Variants in TRIM69 observed in about 807,000 individuals in gnomAD.
TRIM69 encodes E3 ubiquitin-protein ligase TRIM69.
In TRIM69, 29 loss-of-function variants were observed where a neutral mutation model predicts 37.7. The ratio of observed to expected loss-of-function variants is 0.77; its 90% CI spans 0.57 to 1.05. The LOEUF (loss-of-function observed/expected upper bound fraction) is 1.05, where lower values mean the gene tolerates loss of function less well. Among genes scored for constraint, TRIM69 ranks in the 50% least tolerant of loss-of-function variants. The probability of loss-of-function intolerance (pLI) is 0.00; values close to 1 mark genes in which losing one functional copy is unlikely to be tolerated. For missense variants in TRIM69, 596 were observed against 579.9 expected, an observed-to-expected ratio of 1.03 and a Z score of -0.28; for synonymous variants, 209 against 212.4, an observed-to-expected ratio of 0.98 and a Z score of 0.14.
At chr15:44,762,014 G>C (rs1314924117) in intron 6 of TRIM69, among the ~76,000 whole-genome samples, 1 of 151,924 alleles carries the variant, frequency 6.6e-6, no homozygotes, top group Non-Finnish European at 1.5e-5. Context: ...TGTCACCCAG[G>C]CTGGAGTGTG....
chr15:44,765,856 T>C (rs1199261272), intron 6 of TRIM69, among the ~76,000 whole-genome samples: 2 of 152,048 alleles, frequency 1.3e-5, no homozygotes, highest in Non-Finnish European at 2.9e-5. Flanking sequence ...TAACAACAAA[T>C]GCATGCATAC....
intron 1 of TRIM69, among the ~76,000 whole-genome samples, chr15:44,751,930 T>G (rs753181597): frequency 2.0e-5 from 3 of 151,616 alleles, no homozygotes; most frequent in African/African-American, 7.3e-5. Flanking sequence ...TCTTTTTGTA[T>G]TTTTGGTAGA....
intron 6 of TRIM69, among the ~76,000 whole-genome samples, chr15:44,760,581 G>A (rs1265391003): frequency 6.6e-5 from 10 of 151,772 alleles, no homozygotes; most frequent in Admixed American, 1.3e-4. Context: ...ATGAAAAATC[G>A]CAAATTTTTC....
chr15:44,760,987 T>C (rs2087762659), intron 6 of TRIM69, among the ~76,000 whole-genome samples: 1 of 151,860 alleles, frequency 6.6e-6, no homozygotes, highest in Non-Finnish European at 1.5e-5. Context: ...GTGCCATCTC[T>C]GCTCACTGCA....
At chr15:44,751,797 G>A (rs1193642361) in intron 1 of TRIM69, among the ~76,000 whole-genome samples, 1 of 152,168 alleles carries the variant, frequency 6.6e-6, no homozygotes, top group Non-Finnish European at 1.5e-5. Flanking sequence ...CCATGCTGGA[G>A]TGTGTAGATG....
chr15:44,761,413 C>A (rs1218808348), intron 6 of TRIM69, among the ~76,000 whole-genome samples: 1 of 151,980 alleles, frequency 6.6e-6, no homozygotes, highest in Non-Finnish European at 1.5e-5. Context: ...TAATTTAAAC[C>A]ATTTTATTGA....
chr15:44,741,619 G>A (rs912777802), intron 1 of TRIM69, among the ~76,000 whole-genome samples: 2,349 of 152,020 alleles, frequency 0.015, 54 homozygotes, highest in African/African-American at 0.051. Context: ...AAGCAATAAA[G>A]AATGATAAAG....
intron 6 of TRIM69, among the ~76,000 whole-genome samples, chr15:44,766,592 C>G (rs1445514764): frequency 6.6e-6 from 1 of 152,156 alleles, no homozygotes; most frequent in Admixed American, 6.5e-5. Flanking sequence ...AACATCCTTA[C>G]CTAATTTTTA....
chr15:44,767,218 A>C lies in TRIM69; in HGVS notation c.962-13A>C, dbSNP rs1005661221. The C allele has an allele frequency of 3.8e-6, 6 of 1,599,268 alleles. No homozygotes were observed. The highest frequency in any genetic ancestry group is 5.1e-6 in the Non-Finnish European group (6 of 1,173,300). ...TTTCTCCCATGCTCTGCTTTCTTTT[A>C]TTTTCTTACTAGGCCTGTCTCCACT... On this transcript the variant is annotated splice_polypyrimidine_tract_variant and intron_variant, in intron 6 of 6. Coordinates refer to ENST00000329464, the MANE Select transcript of TRIM69 (RefSeq NM_182985.5).
At chr15:44,758,141 T>C (rs1478943180) in intron 3 of TRIM69, 1 of 159,020 alleles carries the variant, frequency 6.3e-6, no homozygotes, top group Non-Finnish European at 1.4e-5. Flanking sequence ...GGATGTCAAA[T>C]AGTTTAACTG....
intron 1 of TRIM69, among the ~76,000 whole-genome samples, chr15:44,741,885 G>C (rs966704555): frequency 2.0e-5 from 3 of 152,156 alleles, no homozygotes; most frequent in Non-Finnish European, 4.4e-5. Flanking sequence ...TTCTACCAGA[G>C]GTACAAGGAG....
intron 6 of TRIM69, 58 bp downstream of exon 6, chr15:44,759,930 G>T (rs2087740929): frequency 6.4e-7 from 1 of 1,564,036 alleles, no homozygotes; most frequent in East Asian, 2.3e-5. Context: ...TTAATCTGTG[G>T]GACTTCTTCT....
Position 44,750,786 on chromosome 15 carries a change from G to A in TRIM69, c.7-4114G>A, listed in dbSNP as rs554522055. ...GTTACCCAGGCTGGAGTGCAGTGGC[G>A]CGATCTTGGCTCACTGCAAGCTCTG... On this transcript the variant is annotated intron_variant, in intron 1 of 6. Coordinates refer to ENST00000329464, the MANE Select transcript of TRIM69 (RefSeq NM_182985.5). 1.8e-4 allele frequency among the ~76,000 whole-genome samples: 22 copies of A among 121,120 alleles called. No individual in the cohort carries two copies. In the East Asian group the frequency reaches 4.3e-3, roughly 24 times the overall value. The allele number at this position is 121,120 out of a possible 152,430, so 79.5% of individuals were successfully genotyped here.
chr15:44,737,860 G>A (rs2087193365), intron 1 of TRIM69, among the ~76,000 whole-genome samples: 1 of 152,004 alleles, frequency 6.6e-6, no homozygotes, highest in Non-Finnish European at 1.5e-5. Flanking sequence ...AGCAACAAAT[G>A]AACTCTCCTT....
At chr15:44,756,722 G>A (rs57902000) in intron 3 of TRIM69, 18 of 341,394 alleles carry the variant, frequency 5.3e-5, no homozygotes, top group East Asian at 8.8e-5. Context: ...GGTGACTGTC[G>A]TGGCGTTGAA....
At chr15:44,755,437 G>A (rs756686485) in intron 2 of TRIM69, 61 bp downstream of exon 2, 1 of 1,253,428 alleles carries the variant, frequency 8.0e-7, no homozygotes, top group African/African-American at 1.5e-5. Flanking sequence ...ATTTCATAGG[G>A]CTTCTTCTTT....
chr15:44,765,993 T>C (rs1449216510), intron 6 of TRIM69, among the ~76,000 whole-genome samples: 1 of 152,212 alleles, frequency 6.6e-6, no homozygotes, highest in Non-Finnish European at 1.5e-5. Context: ...TTTCAACCTC[T>C]CTTCATTTAG....
intron 6 of TRIM69, among the ~76,000 whole-genome samples, chr15:44,762,089 C>A (rs1351152088): frequency 6.6e-6 from 1 of 152,086 alleles, no homozygotes; most frequent in Non-Finnish European, 1.5e-5. Flanking sequence ...CCTCAGCCTC[C>A]CAAATAGCTG....
chr15:44,764,391 T>C (rs1596037935), intron 6 of TRIM69, among the ~76,000 whole-genome samples: 1 of 152,238 alleles, frequency 6.6e-6, no homozygotes, highest in African/African-American at 2.4e-5. Context: ...CAGACCTTTG[T>C]AAAATATATT....
Sources: allele counts gnomAD v4.1 joint callset (sites outside exome capture counted in the v4.1 genomes callset), GRCh38; gene constraint gnomAD v4.1.1; transcripts MANE v1.5; gene names NCBI Gene and HGNC (gene_info 2026-07-23, HGNC 2026-07-21).